BRWD3: variants seen among roughly 807,000 people sequenced by gnomAD.
BRWD3 encodes the protein bromodomain and WD repeat domain containing 3.
A neutral mutation model predicts 149.7 loss-of-function variants in BRWD3; 10 were observed. The observed-to-expected ratio is 0.07, with a 90% confidence interval of 0.04 to 0.11. The LOEUF is 0.11. Among genes scored for constraint, BRWD3 ranks in the 10% least tolerant of loss-of-function variants. BRWD3 has a pLI of 1.00. For synonymous variants in BRWD3, 504 were observed against 456.7 expected (o/e 1.10, Z -1.32); for missense variants, 940 against 1,373.2 (o/e 0.68, Z 4.99).
At chrX:80,722,385 T>A (rs2073163460) in intron 17 of BRWD3, among the ~76,000 whole-genome samples, 177 bp downstream of exon 17, 1 of 111,511 alleles carries the variant, frequency 9.0e-6, no homozygotes, top group African/African-American at 3.3e-5. Context: ...CCAGGTGAGA[T>A]AAACGATGAA....
At chrX:80,794,823 A>T (rs1447181846) in intron 4 of BRWD3, among the ~76,000 whole-genome samples, 1 of 110,931 alleles carries the variant, frequency 9.0e-6, no homozygotes, top group Admixed American at 9.7e-5. Context: ...TGATGAGTAA[A>T]CTCTCTATTA....
At chrX:80,779,029 C>T (rs1050979625) in intron 6 of BRWD3, among the ~76,000 whole-genome samples, 1 of 110,407 alleles carries the variant, frequency 9.1e-6, no homozygotes, top group African/African-American at 3.3e-5. Context: ...GAAAACAGAA[C>T]GTGGTCGGGC....
intron 14 of BRWD3, among the ~76,000 whole-genome samples, chrX:80,727,797 A>G (rs1175547124): frequency 9.0e-6 from 1 of 111,061 alleles, no homozygotes; most frequent in African/African-American, 3.3e-5. Context: ...GTTTTCTCTG[A>G]GCCTCCCATA....
At chrX:80,794,361 C>G (rs2074214555) in intron 4 of BRWD3, among the ~76,000 whole-genome samples, 1 of 108,041 alleles carries the variant, frequency 9.3e-6, no homozygotes, top group African/African-American at 3.4e-5. Context: ...CAAAAATTAG[C>G]TGGGTATGGT....
chrX:80,793,338 G>T (rs1211939653), intron 5 of BRWD3, among the ~76,000 whole-genome samples: 4 of 109,732 alleles, frequency 3.6e-5, no homozygotes, highest in East Asian at 2.8e-4. Flanking sequence ...AAAGAATATT[G>T]TAAGTATTTA....
intron 6 of BRWD3, among the ~76,000 whole-genome samples, chrX:80,783,270 C>T (rs1193170389): frequency 1.1e-4 from 12 of 109,152 alleles, no homozygotes; most frequent in Non-Finnish European, 1.3e-4. Context: ...ACCTGTAGTC[C>T]CAGCTACTAG....
intron 6 of BRWD3, among the ~76,000 whole-genome samples, chrX:80,770,825 G>A (rs1036673543): frequency 3.6e-5 from 4 of 111,708 alleles, no homozygotes; most frequent in African/African-American, 1.3e-4. Flanking sequence ...CCTGTCTGCA[G>A]ATGACATGAC....
intron 26 of BRWD3, 25 bp from the exon 27 acceptor site, chrX:80,696,015 G>A: frequency 9.3e-7 from 1 of 1,079,811 alleles, no homozygotes; most frequent in Non-Finnish European, 1.3e-6. Context: ...AAGCACATAT[G>A]AATCAATATA....
At chrX:80,807,935 A>C (rs2074365096) in intron 4 of BRWD3, among the ~76,000 whole-genome samples, 1 of 111,085 alleles carries the variant, frequency 9.0e-6, no homozygotes, top group Non-Finnish European at 1.9e-5. Flanking sequence ...TACTCAGTAG[A>C]CCATTACCTA....
At chrX:80,751,981 CATTATTATT>C (rs199879142) in intron 6 of BRWD3, among the ~76,000 whole-genome samples, 3,950 of 87,690 alleles carry the variant, frequency 0.045, 111 homozygotes, top group African/African-American at 0.092. Context: ...ATTCATATTT[CATTATTATT>C]ATTATTATTA....
intron 1 of BRWD3, 39 bp from the exon 2 acceptor site, chrX:80,809,343 G>C: frequency 8.6e-7 from 1 of 1,166,142 alleles, no homozygotes; most frequent in Non-Finnish European, 1.2e-6. Context: ...GAGGGAGGTA[G>C]AGAAGAGAAA....
intron 6 of BRWD3, among the ~76,000 whole-genome samples, chrX:80,781,212 T>C (rs1004759861): frequency 9.0e-5 from 10 of 111,187 alleles, no homozygotes; most frequent in Non-Finnish European, 1.7e-4. Flanking sequence ...AGAGCTCCCA[T>C]AAAATGGGAG....
chrX:80,734,604 A>G (rs1309869430), intron 10 of BRWD3, among the ~76,000 whole-genome samples: 1 of 111,234 alleles, frequency 9.0e-6, no homozygotes, highest in Non-Finnish European at 1.9e-5. Flanking sequence ...AAAAAGTTTT[A>G]GAGATGGATG....
rs1253608490 is a variant in BRWD3, at chrX:80,728,504, CA to C, written c.1386+247del. ...ATAACTTATATGTCCTCATTGTATA[CA>C]ATAACATAGTAGATGAGTAACTACC... On this transcript the variant is annotated intron_variant, in intron 14 of 40. Coordinates refer to ENST00000373275, the MANE Select transcript of BRWD3 (RefSeq NM_153252.5). Among the ~76,000 whole-genome samples, 6 of 111,233 alleles carry C rather than the reference CA, an allele frequency of 5.4e-5. No homozygotes were observed. The Admixed American group carries it at 5.7e-4, about 11-fold the overall frequency.
Position 80,669,991 on chromosome X carries a change from A to G in BRWD3, c.*6618T>C, listed in dbSNP as rs1443827605. On this transcript the variant is annotated 3_prime_UTR_variant, in exon 41 of 41. Coordinates refer to ENST00000373275, the MANE Select transcript of BRWD3 (RefSeq NM_153252.5). The stretch of plus-strand genomic sequence containing the variant: ...TCAATTTGTTAATTAATAACTGTTA[A>G]AACTAGATGTCTAGAATAATTAAAA... Among the ~76,000 whole-genome samples, 1 of 111,051 alleles carries G rather than the reference A, an allele frequency of 9.0e-6. No homozygotes were observed. The highest frequency in any genetic ancestry group is 1.9e-5 in the Non-Finnish European group (1 of 52,941).
At chrX:80,747,506 G>GA (rs11332158) in intron 6 of BRWD3, among the ~76,000 whole-genome samples, 15 of 103,568 alleles carry the variant, frequency 1.4e-4, no homozygotes, top group East Asian at 6.2e-4. Context: ...AATAGAAGGG[G>GA]AAAAAAAAAA....
chrX:80,753,898 C>T (rs903391938), intron 6 of BRWD3, among the ~76,000 whole-genome samples: 1 of 111,324 alleles, frequency 9.0e-6, no homozygotes, highest in Non-Finnish European at 1.9e-5. Flanking sequence ...TTTTTATACC[C>T]GTACAATGCT....
At chrX:80,807,865 G>A (rs763456346) in intron 4 of BRWD3, among the ~76,000 whole-genome samples, 84 of 111,631 alleles carry the variant, frequency 7.5e-4, no homozygotes, top group Middle Eastern at 9.2e-3. Flanking sequence ...CTATGCAAAT[G>A]CGACTTAACT....
At position 80,722,567 on chromosome X, in the gene BRWD3, G is replaced by A; in HGVS notation, c.1871C>T (p.Ala624Val). ...TACTTTTAGAGAAAACATACCATTA[G>A]CCACATATCCCAGCTGTGGTATAAG... ...EQLIPQLGYV[A>V]NGDGEVVEQV... is the part of the protein sequence containing the mutation. The change falls in exon 17 of 41, where the codon GCT (alanine) becomes GTT (valine). Residue 624 changes from alanine (A) to valine (V), a missense_variant. By Grantham distance (64) the Ala-to-Val change is moderately conservative (BLOSUM62 0). Transcript: ENST00000373275. 8.3e-7 allele frequency: 1 copy of A among 1,207,378 alleles called. No individual in the cohort carries two copies. The highest frequency in any genetic ancestry group is 1.1e-6 in the Non-Finnish European group (1 of 891,670).
Sources: gnomAD v4.1 joint callset for allele counts (sites outside exome capture counted in the v4.1 genomes callset) on GRCh38, gnomAD v4.1.1 for gene constraint, MANE v1.5 for transcripts, NCBI Gene and HGNC (gene_info 2026-07-23, HGNC 2026-07-21) for gene names.